Variants in DNAL1 observed in about 807,000 individuals in gnomAD.
DNAL1 encodes the protein dynein axonemal light chain 1.
A neutral mutation model predicts 29.4 loss-of-function variants in DNAL1; 17 were observed. The observed-to-expected ratio is 0.58, with a 90% confidence interval of 0.40 to 0.87. The LOEUF (loss-of-function observed/expected upper bound fraction) is 0.87, where lower values mean the gene tolerates loss of function less well. Among genes scored for constraint, DNAL1 ranks in the 40% least tolerant of loss-of-function variants. The probability of loss-of-function intolerance (pLI) is 0.00; values close to 1 mark genes in which losing one functional copy is unlikely to be tolerated. For synonymous variants in DNAL1, 78 were observed against 76.3 expected (o/e 1.02, Z -0.12); for missense variants, 188 against 214.1 (o/e 0.88, Z 0.76).
intron 5 of DNAL1, among the ~76,000 whole-genome samples, chr14:73,672,111 A>T (rs1356876095): frequency 6.6e-6 from 1 of 152,194 alleles, no homozygotes; most frequent in Non-Finnish European, 1.5e-5. Flanking sequence ...TTCCAACAGT[A>T]ACCTCCCAAG....
chr14:73,681,516 C>T (rs1321149846), intron 5 of DNAL1, among the ~76,000 whole-genome samples: 1 of 147,080 alleles, frequency 6.8e-6, no homozygotes, highest in Non-Finnish European at 1.5e-5. Context: ...ATCTGTAATG[C>T]CAGCACTTGA....
chr14:73,675,827 C>T (rs1276270759), intron 5 of DNAL1, among the ~76,000 whole-genome samples: 1 of 151,538 alleles, frequency 6.6e-6, no homozygotes, highest in Non-Finnish European at 1.5e-5. Context: ...CCAGCCTGAC[C>T]AACATGGTGA....
At chr14:73,684,527 G>T (rs1161637381) in intron 5 of DNAL1, among the ~76,000 whole-genome samples, 1 of 152,040 alleles carries the variant, frequency 6.6e-6, no homozygotes, top group Non-Finnish European at 1.5e-5. Context: ...CAATTTTCAA[G>T]CAACATTGTG....
chr14:73,691,219 G>A (rs886592899), intron 7 of DNAL1, among the ~76,000 whole-genome samples: 1 of 152,124 alleles, frequency 6.6e-6, no homozygotes, highest in African/African-American at 2.4e-5. Context: ...GATAATCTAC[G>A]CTAAACGTTG....
chr14:73,646,348 A>G (rs1890976538), intron 1 of DNAL1, among the ~76,000 whole-genome samples: 1 of 152,210 alleles, frequency 6.6e-6, no homozygotes, highest in African/African-American at 2.4e-5. Context: ...TATGCTTACA[A>G]AAACCAGATG....
chr14:73,696,694 T>A lies in DNAL1; in HGVS notation c.*752T>A, dbSNP rs1892309372. On this transcript the variant is annotated 3_prime_UTR_variant, in exon 8 of 8. Transcript: ENST00000553645. ...ACTGATAATGTGGCAATGTTACTCATGTGGACCTCGCCTTAAGCACACATT... is the reference window on the plus strand; with the variant it reads ...ACTGATAATGTGGCAATGTTACTCAAGTGGACCTCGCCTTAAGCACACATT... The A allele has an allele frequency of 6.6e-6, 1 of 152,336 alleles. No homozygotes were observed. The highest frequency in any genetic ancestry group is 2.1e-4 in the South Asian group (1 of 4,832). The allele number at this position is 152,336 out of a possible 1,614,324, so 9.4% of individuals were successfully genotyped here. A position where few individuals can be genotyped will look rare whatever the true frequency, so the allele number is the denominator to read the frequency against.
intron 5 of DNAL1, among the ~76,000 whole-genome samples, chr14:73,686,717 C>CA (rs1291990757): frequency 6.6e-6 from 1 of 151,962 alleles, no homozygotes; most frequent in Non-Finnish European, 1.5e-5. Flanking sequence ...CAAAACAAAA[C>CA]AAAAAACAAC....
intron 4 of DNAL1, among the ~76,000 whole-genome samples, chr14:73,670,710 ATTTT>A (rs1566885130): frequency 3.3e-5 from 5 of 151,242 alleles, no homozygotes. Context: ...TAGGCATTTT[ATTTT>A]ATTTTTTATT....
At chr14:73,674,952 G>C (rs1433482670) in intron 5 of DNAL1, among the ~76,000 whole-genome samples, 2 of 151,272 alleles carry the variant, frequency 1.3e-5, no homozygotes, top group East Asian at 3.9e-4. Context: ...CCAAGTAGCT[G>C]TGACTAAAGA....
At chr14:73,651,845 C>T (rs1054855300) in intron 1 of DNAL1, among the ~76,000 whole-genome samples, 6 of 151,772 alleles carry the variant, frequency 4.0e-5, no homozygotes, top group African/African-American at 9.7e-5. Context: ...TTAGTAGAGA[C>T]GGGGTTTCAC....
chr14:73,666,258 A>G (rs1311029492), intron 4 of DNAL1, among the ~76,000 whole-genome samples: 1 of 152,192 alleles, frequency 6.6e-6, no homozygotes, highest in Non-Finnish European at 1.5e-5. Flanking sequence ...ATCAGGCAGA[A>G]CAACCCTAAT....
intron 4 of DNAL1, among the ~76,000 whole-genome samples, chr14:73,667,681 TTA>T (rs2140038860): frequency 6.6e-6 from 1 of 152,254 alleles, no homozygotes; most frequent in African/African-American, 2.4e-5. Context: ...TTTGGTATTT[TTA>T]TAGAGTTGGG....
intron 5 of DNAL1, among the ~76,000 whole-genome samples, chr14:73,680,320 A>G (rs1202074064): frequency 6.6e-6 from 1 of 152,220 alleles, no homozygotes; most frequent in Non-Finnish European, 1.5e-5. Flanking sequence ...TTGCTCCACC[A>G]TCTTTGTCCA....
intron 6 of DNAL1, among the ~76,000 whole-genome samples, chr14:73,688,725 G>T (rs1595225215): frequency 6.6e-6 from 1 of 152,178 alleles, no homozygotes; most frequent in Admixed American, 6.5e-5. Context: ...ACAAAGGCAG[G>T]TTAGCTTAAC....
intron 2 of DNAL1, among the ~76,000 whole-genome samples, chr14:73,657,102 T>C (rs1474627366): frequency 6.6e-6 from 1 of 151,958 alleles, no homozygotes; most frequent in African/African-American, 2.4e-5. Flanking sequence ...ATTATTGACA[T>C]GTGGTGATTT....
intron 5 of DNAL1, among the ~76,000 whole-genome samples, chr14:73,677,101 G>C (rs991899330): frequency 6.6e-6 from 1 of 151,512 alleles, no homozygotes. Context: ...CTCCCAAGTA[G>C]CTGGGACTAC....
At chr14:73,654,645 G>A (rs1027675052) in intron 1 of DNAL1, among the ~76,000 whole-genome samples, 3 of 152,088 alleles carry the variant, frequency 2.0e-5, no homozygotes, top group Admixed American at 1.3e-4. Flanking sequence ...TGTAGTCCCA[G>A]CTACTTGGGA....
rs1369713588 is a variant in DNAL1 at position 73,701,490 on chromosome 14, T to C, written c.*5548T>C. 1 of 152,258 alleles carries C rather than the reference T, an allele frequency of 6.6e-6. No individual in the cohort carries two copies. The highest frequency in any genetic ancestry group is 1.5e-5 in the Non-Finnish European group (1 of 68,052). 9.4% of individuals were successfully genotyped at this position (152,258 alleles called of 1,614,324 possible). On this transcript the variant is annotated 3_prime_UTR_variant, in exon 8 of 8. Transcript: ENST00000553645. ...TCCCTCTGGGGGATGTGTCAAGTAGTTCTCCTACTCAGAATAGAAGCTTTG... is the reference window on the plus strand; with the variant it reads ...TCCCTCTGGGGGATGTGTCAAGTAGCTCTCCTACTCAGAATAGAAGCTTTG...
chr14:73,676,709 T>A (rs1429516082), intron 5 of DNAL1, among the ~76,000 whole-genome samples: 1 of 152,070 alleles, frequency 6.6e-6, no homozygotes, highest in Non-Finnish European at 1.5e-5. Flanking sequence ...TCTCTCTCTC[T>A]CAATTTCTTC....
Sources: allele counts gnomAD v4.1 joint callset (sites outside exome capture counted in the v4.1 genomes callset), GRCh38; gene constraint gnomAD v4.1.1; transcripts MANE v1.5; gene names NCBI Gene and HGNC (gene_info 2026-07-23, HGNC 2026-07-21).